Variants in PARP8 observed in about 807,000 individuals in gnomAD.
The protein encoded by PARP8 is protein mono-ADP-ribosyltransferase PARP8.
In PARP8, 51 loss-of-function variants were observed where a neutral mutation model predicts 124.1. The observed-to-expected ratio is 0.41, with a 90% CI of 0.33 to 0.52. PARP8 has a LOEUF of 0.52. PARP8 is among the 20% of genes least tolerant of loss of function. PARP8 has a pLI of 0.21. For synonymous variants in PARP8, 391 were observed against 361.5 expected, an observed-to-expected ratio of 1.08 and a Z score of -0.93; for missense variants, 860 against 1,018.9, an observed-to-expected ratio of 0.84 and a Z score of 2.12.
At chr5:50,762,881 G>A (rs1760697297) in intron 6 of PARP8, among the ~76,000 whole-genome samples, 1 of 152,244 alleles carries the variant, frequency 6.6e-6, no homozygotes, top group African/African-American at 2.4e-5. Context: ...GTTCATTCTA[G>A]AAGTTTTTTA....
rs1172355161 is a variant in PARP8, at chr5:50,763,213, G to T, written c.489G>T (p.Glu163Asp). Residue 163 changes from glutamate to aspartate, a missense_variant, in exon 7 of 26, where the codon GAG (glutamate) becomes GAT (aspartate). Glu to Asp is a conservative substitution (Grantham distance 45). Coordinates refer to ENST00000281631, the MANE Select transcript of PARP8 (RefSeq NM_024615.4). ...AAGCTGATTTGTCAGCAGTTAGAGAGATATATGGGCCACATGCAGTTTCTC... is the reference window on the plus strand; with the variant it reads ...AAGCTGATTTGTCAGCAGTTAGAGATATATATGGGCCACATGCAGTTTCTC... The part of the protein sequence containing the change: ...QLEADLSAVR[E>D]IYGPHAVSLR... The T allele has an allele frequency of 6.2e-7, 1 of 1,613,086 alleles. No homozygotes were observed. Among genetic ancestry groups the T allele is most frequent in the East Asian group, 2.2e-5 (1 of 44,848 alleles).
chr5:50,785,830 A>G (rs1225280923), intron 9 of PARP8, among the ~76,000 whole-genome samples: 1 of 152,134 alleles, frequency 6.6e-6, no homozygotes, highest in East Asian at 1.9e-4. Context: ...AGGTCCTATG[A>G]GCAACACAAT....
chr5:50,845,992 A>G lies in PARP8; in HGVS notation c.*3924A>G, dbSNP rs1338317162. 1.3e-5 allele frequency: 2 copies of G among 151,830 alleles called. No individual in the cohort carries two copies. The highest frequency in any genetic ancestry group is 2.9e-5 in the Non-Finnish European group (2 of 67,828). The allele number at this position is 151,830 out of a possible 1,614,324, so 9.4% of individuals were successfully genotyped here. A position where few individuals can be genotyped will look rare whatever the true frequency, so the allele number is the denominator to read the frequency against. ...AGGATAAGTTTTTGTAGGTCAGAAG[A>G]ATTTCAAGTAGTTTTTAGACAAAAC... On this transcript the variant is annotated 3_prime_UTR_variant, in exon 26 of 26. Coordinates refer to ENST00000281631, the MANE Select transcript of PARP8 (RefSeq NM_024615.4).
At chr5:50,828,749 T>A (rs1561441164) in intron 21 of PARP8, among the ~76,000 whole-genome samples, 1 of 138,734 alleles carries the variant, frequency 7.2e-6, no homozygotes, top group Non-Finnish European at 1.6e-5. Context: ...ATATATATAT[T>A]TATCCAGGCG....
intron 23 of PARP8, chr5:50,833,410 T>G (rs919906609): frequency 3.5e-5 from 16 of 454,268 alleles, no homozygotes; most frequent in Admixed American, 7.1e-5. Flanking sequence ...AATCCCATGT[T>G]GTTTCAGAGA....
At chr5:50,690,641 C>G (rs1016088224) in intron 2 of PARP8, among the ~76,000 whole-genome samples, 12 of 152,080 alleles carry the variant, frequency 7.9e-5, no homozygotes, top group Non-Finnish European at 1.8e-4. Context: ...TTTTATTGGA[C>G]CTATCTAGCA....
At chr5:50,709,022 A>T (rs1754450431) in intron 2 of PARP8, among the ~76,000 whole-genome samples, 1 of 152,028 alleles carries the variant, frequency 6.6e-6, no homozygotes, top group African/African-American at 2.4e-5. Flanking sequence ...CCTGGCCTCA[A>T]GCAATCTTCC....
At chr5:50,699,380 G>A (rs1753357123) in intron 2 of PARP8, among the ~76,000 whole-genome samples, 1 of 152,114 alleles carries the variant, frequency 6.6e-6, no homozygotes, top group Admixed American at 6.5e-5. Context: ...AGAAATAATT[G>A]CAATACCAGA....
In PARP8 at chr5:50,794,352, G is replaced by A. The variant is rs1187868467; in HGVS notation, c.863+20G>A. The A allele has an allele frequency of 3.9e-5, 62 of 1,610,350 alleles. No homozygotes were observed. Among genetic ancestry groups the A allele is most frequent in the Non-Finnish European group, 4.4e-5 (52 of 1,177,960 alleles). Reference sequence around the variant, plus strand: ...GCGCAGGTTGGTAACAGGCAACTTCGTCATTGTCTTACTGAATGCTGAGTG... The same window carrying A: ...GCGCAGGTTGGTAACAGGCAACTTCATCATTGTCTTACTGAATGCTGAGTG... On this transcript the variant is annotated intron_variant, in intron 11 of 25. Transcript: ENST00000281631.
In PARP8 at chr5:50,799,751, C is replaced by T. The variant is rs371052010; in HGVS notation, c.1575+2518C>T. On this transcript the variant is annotated intron_variant, in intron 14 of 25. Coordinates refer to ENST00000281631, the MANE Select transcript of PARP8 (RefSeq NM_024615.4). ...GTTAGGAGATGGGTTGTTTGGAAGG[C>T]GATTAGGTCATGAGGGTGGTGCCCT... 1.4e-3 allele frequency among the ~76,000 whole-genome samples: 213 copies of T among 152,124 alleles called. 1 individual carries two copies. Among genetic ancestry groups the T allele is most frequent in the Non-Finnish European group, 2.6e-3 (174 of 67,992 alleles).
chr5:50,771,471 T>C (rs1260889167), intron 7 of PARP8, among the ~76,000 whole-genome samples: 5 of 152,212 alleles, frequency 3.3e-5, no homozygotes, highest in African/African-American at 1.2e-4. Flanking sequence ...TGTTTTAATA[T>C]ATTTTTAAGG....
chr5:50,745,786 A>G (rs567775482), intron 2 of PARP8, among the ~76,000 whole-genome samples: 1 of 152,338 alleles, frequency 6.6e-6, no homozygotes, highest in East Asian at 1.9e-4. Context: ...CCAGATCAGA[A>G]GGGTGCCTTG....
At chr5:50,781,703 G>C (rs553982661) in intron 9 of PARP8, among the ~76,000 whole-genome samples, 1 of 152,156 alleles carries the variant, frequency 6.6e-6, no homozygotes, top group South Asian at 2.1e-4. Context: ...GGGGAGTGCA[G>C]ATAAGTACTT....
chr5:50,788,693 T>A, intron 10 of PARP8, 104 bp downstream of exon 10: 2 of 891,710 alleles, frequency 2.2e-6, no homozygotes, highest in South Asian at 3.1e-5. Context: ...TAAGAACTTT[T>A]TGAAGCAAGT....
intron 14 of PARP8, among the ~76,000 whole-genome samples, chr5:50,806,792 G>A (rs1212535183): frequency 6.6e-6 from 1 of 151,890 alleles, no homozygotes; most frequent in Non-Finnish European, 1.5e-5. Flanking sequence ...TATCTTACTT[G>A]TATTTACATT....
chr5:50,826,112 G>A (rs1746324613), intron 18 of PARP8, among the ~76,000 whole-genome samples: 1 of 151,808 alleles, frequency 6.6e-6, no homozygotes, highest in Non-Finnish European at 1.5e-5. Context: ...GTAGTCAGAT[G>A]GTTAACTTTT....
At chr5:50,812,196 T>A (rs930249117) in intron 14 of PARP8, among the ~76,000 whole-genome samples, 1 of 152,176 alleles carries the variant, frequency 6.6e-6, no homozygotes, top group African/African-American at 2.4e-5. Context: ...TAAACTAGTT[T>A]ACACTCCCAC....
chr5:50,797,076 T>TAA, intron 13 of PARP8, 44 bp downstream of exon 13: 1 of 1,609,950 alleles, frequency 6.2e-7, no homozygotes. Context: ...TTTTAGTTCT[T>TAA]ACGGGGTTTT....
At chr5:50,818,468 G>A (rs1745368283) in intron 15 of PARP8, among the ~76,000 whole-genome samples, 1 of 152,176 alleles carries the variant, frequency 6.6e-6, no homozygotes, top group East Asian at 1.9e-4. Context: ...GATCTCAAGG[G>A]ATCCTCCCGC....
Sources: allele counts gnomAD v4.1 joint callset (sites outside exome capture counted in the v4.1 genomes callset), GRCh38; gene constraint gnomAD v4.1.1; transcripts MANE v1.5; gene names NCBI Gene and HGNC (gene_info 2026-07-23, HGNC 2026-07-21).